Variants in PIK3R3 observed in about 807,000 individuals in gnomAD.
PIK3R3 encodes phosphoinositide-3-kinase regulatory subunit 3, also known as phosphatidylinositol 3-kinase regulatory subunit gamma.
PIK3R3 carries 64 observed loss-of-function variants against 62.9 expected under a neutral mutation model. That is an observed-to-expected ratio of 1.02 (90% CI 0.83 to 1.25). PIK3R3 has a LOEUF of 1.25. PIK3R3 is among the 50% of genes most tolerant of loss of function. The probability of loss-of-function intolerance (pLI) is 0.00; values close to 1 mark genes in which losing one functional copy is unlikely to be tolerated. For missense variants in PIK3R3, 614 were observed against 561.6 expected (o/e 1.09, Z -0.94); for synonymous variants, 165 against 189.0 (o/e 0.87, Z 1.04).
At chr1:46,101,699 T>G (rs1443682340) in intron 1 of PIK3R3, among the ~76,000 whole-genome samples, 1 of 152,184 alleles carries the variant, frequency 6.6e-6, no homozygotes, top group Non-Finnish European at 1.5e-5. Flanking sequence ...AGGACAAATA[T>G]TGTATGATTC....
At chr1:46,152,204 C>T in the PIK3R3 span, among the ~76,000 whole-genome samples, 1 of 152,190 alleles carries the variant, frequency 6.6e-6, no homozygotes, top group South Asian at 2.1e-4. Context: ...TCAGAGCATT[C>T]AACACTCAGC....
chr1:46,051,541 G>A (rs1647347407), intron 7 of PIK3R3, among the ~76,000 whole-genome samples: 1 of 152,032 alleles, frequency 6.6e-6, no homozygotes, highest in African/African-American at 2.4e-5. Flanking sequence ...GATTACAGGT[G>A]TGAGCCACTG....
rs112591587 is a variant in PIK3R3 at position 46,042,326 on chromosome 1, G to A, written c.*1347C>T. On this transcript the variant is annotated 3_prime_UTR_variant, in exon 10 of 10. Coordinates refer to ENST00000262741, the MANE Select transcript of PIK3R3 (RefSeq NM_003629.4). This position sits in a 1 kb window ranked among gnomAD's most constrained non-coding sequence, Gnocchi z 4.3. ...CAGACTGCACATAGCCTTAATGGCA[G>A]GATCACAAAAAAAGGCAAAGAGAAA... is the stretch of plus-strand genomic sequence containing the variant. 252 of 229,472 alleles carry A rather than the reference G, an allele frequency of 1.1e-3. 3 individuals carry two copies. Among genetic ancestry groups the A allele is most frequent in the African/African-American group, 5.3e-3 (242 of 45,234 alleles). 14.2% of individuals were successfully genotyped at this position (229,472 alleles called of 1,614,324 possible).
intron 4 of PIK3R3, 124 bp from the exon 5 acceptor site, chr1:46,066,303 G>A (rs1648983839): frequency 4.5e-6 from 3 of 668,584 alleles, no homozygotes; most frequent in South Asian, 1.9e-5. Context: ...TATTTCAACT[G>A]TACAACTTTA....
At chr1:46,110,275 C>CTTTTTTT (rs35873858) in intron 1 of PIK3R3, among the ~76,000 whole-genome samples, 1 of 71,310 alleles carries the variant, frequency 1.4e-5, no homozygotes, top group Non-Finnish European at 2.7e-5. Context: ...CCAGGCTTGG[C>CTTTTTTT]TTTTTTTTTT....
chr1:46,142,057 G>T, the PIK3R3 span, among the ~76,000 whole-genome samples: 1 of 152,100 alleles, frequency 6.6e-6, no homozygotes, highest in Non-Finnish European at 1.5e-5. Context: ...AAATCAACAG[G>T]CATAATACTC....
intron 1 of PIK3R3, among the ~76,000 whole-genome samples, chr1:46,129,173 G>A (rs897451721): frequency 6.6e-6 from 1 of 151,810 alleles, no homozygotes; most frequent in African/African-American, 2.4e-5. Flanking sequence ...TGACACCAAA[G>A]GTATCTGACC....
chr1:46,049,239 T>TA (rs1358844415), intron 7 of PIK3R3, among the ~76,000 whole-genome samples: 1 of 151,862 alleles, frequency 6.6e-6, no homozygotes, highest in Non-Finnish European at 1.5e-5. Flanking sequence ...TTCCTAGCCC[T>TA]ACCCCAGCAA....
chr1:46,113,626 A>G (rs1653928571), intron 1 of PIK3R3, among the ~76,000 whole-genome samples: 1 of 152,142 alleles, frequency 6.6e-6, no homozygotes, highest in African/African-American at 2.4e-5. Context: ...AACAAAACTT[A>G]AGGTGTTTTA....
chr1:46,133,584 C>G (rs1182482999), upstream of PIK3R3, among the ~76,000 whole-genome samples: 3 of 152,312 alleles, frequency 2.0e-5, no homozygotes, highest in East Asian at 3.9e-4. Context: ...CACTTGCCAC[C>G]TTACCACTCA....
chr1:46,112,394 A>G (rs560293097), intron 1 of PIK3R3, among the ~76,000 whole-genome samples: 2 of 152,286 alleles, frequency 1.3e-5, no homozygotes, highest in South Asian at 4.2e-4. Flanking sequence ...CAAATATTGG[A>G]AACATTATAA....
rs1557569506 is a variant in PIK3R3, at chr1:46,063,078, T to G, written c.622-1007A>C. Among the ~76,000 whole-genome samples the G allele has an allele frequency of 2.0e-5, 3 of 152,304 alleles. 1 individual carries two copies. Among genetic ancestry groups the G allele is most frequent in the Admixed American group, 2.0e-4 (3 of 15,304 alleles). ...CTCAGAATATACAGGTGGAACAGAT[T>G]TCTGAACTCTAATAAGGTTTGGTTT... On this transcript the variant is annotated intron_variant, in intron 5 of 9. Transcript: ENST00000262741.
chr1:46,080,531 G>C, intron 2 of PIK3R3, 111 bp downstream of exon 2: 1 of 737,942 alleles, frequency 1.4e-6, no homozygotes, highest in Non-Finnish European at 2.4e-6. Flanking sequence ...GAGTTGCTGG[G>C]ATTATAGGCA....
chr1:46,055,044 A>T (rs918293651), intron 7 of PIK3R3, among the ~76,000 whole-genome samples: 1 of 150,826 alleles, frequency 6.6e-6, no homozygotes, highest in African/African-American at 2.4e-5. Flanking sequence ...CTGGGATTAC[A>T]GGCGCCCACC....
intron 1 of PIK3R3, among the ~76,000 whole-genome samples, chr1:46,109,125 CTCCA>C (rs1364656933): frequency 2.7e-5 from 4 of 149,316 alleles, no homozygotes; most frequent in African/African-American, 1.0e-4. Context: ...CGCCACTGCA[CTCCA>C]TCCAGCCTGG....
chr1:46,056,765 CA>C (rs1647961030), intron 6 of PIK3R3: 2 of 152,358 alleles, frequency 1.3e-5, no homozygotes, highest in South Asian at 4.1e-4. Flanking sequence ...AGCCAAAATA[CA>C]ACATGAGAGA....
At chr1:46,045,794 T>C (rs532728149) in intron 9 of PIK3R3, 124 bp downstream of exon 9, 1 of 804,002 alleles carries the variant, frequency 1.2e-6, no homozygotes, top group East Asian at 2.5e-5. Context: ...CTAATAGTTA[T>C]GGTCCGAGCC....
upstream of PIK3R3, among the ~76,000 whole-genome samples, chr1:46,135,394 A>C (rs577208071): frequency 6.6e-6 from 1 of 152,238 alleles, no homozygotes; most frequent in African/African-American, 2.4e-5. Flanking sequence ...GCTTTCATTT[A>C]TATATCTATG....
chr1:46,119,459 T>C (rs1453751043), intron 1 of PIK3R3, among the ~76,000 whole-genome samples: 1 of 152,186 alleles, frequency 6.6e-6, no homozygotes. Flanking sequence ...AAAGGACACA[T>C]GTTAAGAAGT....
Sources: allele counts gnomAD v4.1 joint callset (sites outside exome capture counted in the v4.1 genomes callset), GRCh38; gene constraint gnomAD v4.1.1; non-coding constraint Gnocchi (gnomAD v3.1); transcripts MANE v1.5; gene names NCBI Gene and HGNC (gene_info 2026-07-23, HGNC 2026-07-21).